The following RIMS1 variants were observed in gnomAD, a reference collection of about 807,000 sequenced individuals.
RIMS1 encodes the protein regulating synaptic membrane exocytosis protein 1.
RIMS1 carries 83 observed loss-of-function variants against 214.1 expected under a neutral mutation model. The ratio of observed to expected loss-of-function variants is 0.39; its 90% confidence interval spans 0.32 to 0.47. The LOEUF (loss-of-function observed/expected upper bound fraction) is 0.47. Among genes scored for constraint, RIMS1 ranks in the 20% least tolerant of loss-of-function variants. RIMS1 has a pLI of 0.99. For synonymous variants in RIMS1, 793 were observed against 786.8 expected (o/e 1.01, Z -0.13); for missense variants, 2,050 against 2,161.8 (o/e 0.95, Z 1.03).
At chr6:72,397,218 AT>A (rs1236036166) in intron 31 of RIMS1, among the ~76,000 whole-genome samples, 1 of 152,214 alleles carries the variant, frequency 6.6e-6, no homozygotes, top group Non-Finnish European at 1.5e-5. Context: ...ATGAGTTCTA[AT>A]AAATATGAAC....
intron 2 of RIMS1, among the ~76,000 whole-genome samples, chr6:72,094,084 G>T (rs978697787): frequency 1.3e-5 from 2 of 151,518 alleles, no homozygotes; most frequent in African/African-American, 4.8e-5. Flanking sequence ...ATTAGGATAT[G>T]TTGTCCTCAA....
chr6:72,138,096 A>G (rs1031513349), intron 4 of RIMS1, among the ~76,000 whole-genome samples: 3 of 151,966 alleles, frequency 2.0e-5, no homozygotes, highest in Non-Finnish European at 4.4e-5. Context: ...GTGTGTATGT[A>G]TATGTGTATA....
At chr6:71,955,319 A>G (rs1302493070) in intron 1 of RIMS1, among the ~76,000 whole-genome samples, 1 of 152,082 alleles carries the variant, frequency 6.6e-6, no homozygotes, top group Admixed American at 6.5e-5. Flanking sequence ...GGTGCCAGCC[A>G]TCATGCCTGG....
chr6:72,369,393 A>G (rs1262838176), intron 29 of RIMS1, among the ~76,000 whole-genome samples: 1 of 152,114 alleles, frequency 6.6e-6, no homozygotes, highest in Non-Finnish European at 1.5e-5. Context: ...GATTCTACCC[A>G]GTGAAGCAGA....
At chr6:72,320,040 A>G (rs1165004826) in intron 28 of RIMS1, among the ~76,000 whole-genome samples, 1 of 152,162 alleles carries the variant, frequency 6.6e-6, no homozygotes, top group African/African-American at 2.4e-5. Flanking sequence ...CGGCTAACAC[A>G]TAATATAGTG....
At chr6:71,952,464 T>C (rs925145779) in intron 1 of RIMS1, among the ~76,000 whole-genome samples, 2 of 152,218 alleles carry the variant, frequency 1.3e-5, no homozygotes, top group African/African-American at 2.4e-5. Context: ...TTGATACTAC[T>C]ACAAATTCAC....
At position 72,393,596 on chromosome 6, in the gene RIMS1, G is replaced by A. The variant is rs1397578945; in HGVS notation, c.4618+786G>A. On this transcript the variant is annotated intron_variant, in intron 31 of 33. Coordinates refer to ENST00000521978, the MANE Select transcript of RIMS1 (RefSeq NM_014989.7). ...AAAAAAATTAGCCGGGCATAGTGGTGGGCACCTGTAGTCCCAGCTACTCGG... is the reference window on the plus strand; with the variant it reads ...AAAAAAATTAGCCGGGCATAGTGGTAGGCACCTGTAGTCCCAGCTACTCGG... Among the ~76,000 whole-genome samples, 11 of 152,060 alleles carry A rather than the reference G, an allele frequency of 7.2e-5. No homozygotes were observed. In the East Asian group the frequency reaches 2.1e-3, roughly 30 times the overall value.
Position 72,066,867 on chromosome 6 carries a change from G to A in RIMS1, c.246-30082G>A, listed in dbSNP as rs986828676. 3.3e-5 allele frequency among the ~76,000 whole-genome samples: 5 copies of A among 152,208 alleles called. No homozygotes were observed. In the East Asian group the frequency reaches 7.7e-4, roughly 24 times the overall value. ...TTTCATAATTTACCTAATTGCTGGA[G>A]TCAAAAACTTAGGAGTCACCCTTAA... On this transcript the variant is annotated intron_variant, in intron 2 of 33. Transcript: ENST00000521978.
At chr6:72,079,202 A>G (rs1025242247) in intron 2 of RIMS1, among the ~76,000 whole-genome samples, 3 of 152,186 alleles carry the variant, frequency 2.0e-5, no homozygotes, top group South Asian at 2.1e-4. Flanking sequence ...AAGGAACACT[A>G]CTTACATAAG....
chr6:72,365,318 T>C (rs1403578770), intron 29 of RIMS1, among the ~76,000 whole-genome samples: 3 of 152,222 alleles, frequency 2.0e-5, no homozygotes, highest in Non-Finnish European at 4.4e-5. Flanking sequence ...CACCCAACCA[T>C]GGCATTCCAC....
intron 22 of RIMS1, 121 bp from the exon 23 acceptor site, chr6:72,274,228 G>A (rs1181398240): frequency 1.8e-6 from 1 of 569,330 alleles, no homozygotes; most frequent in African/African-American, 1.9e-5. Flanking sequence ...AAATTATGGA[G>A]CAAAGAATCT....
In RIMS1 at chr6:72,077,914, A is replaced by G. The variant is rs1832326816; in HGVS notation, c.246-19035A>G. 2.6e-5 allele frequency among the ~76,000 whole-genome samples: 4 copies of G among 152,324 alleles called. No homozygotes were observed. The South Asian group carries it at 6.2e-4, about 24-fold the overall frequency. ...CGACGAAACCCTTTTCTGGGCTTTC[A>G]TTAACCTAGGAGTAAAAGAAAGGGG... On this transcript the variant is annotated intron_variant, in intron 2 of 33. Transcript: ENST00000521978.
At position 72,057,795 on chromosome 6, in the gene RIMS1, C is replaced by T. The variant is rs559062553; in HGVS notation, c.246-39154C>T. On this transcript the variant is annotated intron_variant, in intron 2 of 33. Transcript: ENST00000521978. ...GTGCTGGGATTACAGGCGTGAGACA[C>T]CACGCCCAGCCCCAAACCAGTACAC... Among the ~76,000 whole-genome samples the T allele has an allele frequency of 2.8e-4, 43 of 152,310 alleles. 2 individuals are homozygous for T. The East Asian group carries it at 7.5e-3, about 27-fold the overall frequency.
intron 6 of RIMS1, among the ~76,000 whole-genome samples, chr6:72,194,180 C>G (rs975144972): frequency 6.6e-6 from 1 of 152,060 alleles, no homozygotes; most frequent in Non-Finnish European, 1.5e-5. Context: ...AAGCAATATA[C>G]AAATTCAATG....
Position 72,182,916 on chromosome 6 carries a change from T to A in RIMS1, c.1445T>A (p.Val482Asp), listed in dbSNP as rs1228620724. The A allele has an allele frequency of 6.3e-7, 1 of 1,580,448 alleles. No individual in the cohort carries two copies. The highest frequency in any genetic ancestry group is 1.2e-5 in the South Asian group (1 of 86,236). Residue 482 changes from valine (V) to aspartate (D), a missense_variant, in exon 6 of 34, where the codon GTC (valine) becomes GAC (aspartate). Around this residue, in one of 6 missense-constraint regions of RIMS1, gnomAD observed 882 missense variants for 828.9 expected, o/e 1.06. Coordinates refer to ENST00000521978, the MANE Select transcript of RIMS1 (RefSeq NM_014989.7). ...AGCCGCCTGGACCCCAGCTCGGCGG[T>A]CCTCATGCGGAAGGCCAAGCGCGAG... Reference protein sequence around the residue: ...KQSRLDPSSAVLMRKAKREKV... With the variant: ...KQSRLDPSSADLMRKAKREKV...
intron 29 of RIMS1, among the ~76,000 whole-genome samples, chr6:72,370,850 A>C (rs756174353): frequency 8.5e-5 from 13 of 152,156 alleles, no homozygotes; most frequent in Non-Finnish European, 1.6e-4. Context: ...ATATGATAGG[A>C]ATGCTGCAGA....
Position 72,195,728 on chromosome 6 carries a change from T to C in RIMS1, c.1678+12579T>C, listed in dbSNP as rs189107807. Among the ~76,000 whole-genome samples the C allele has an allele frequency of 3.4e-4, 52 of 152,258 alleles. No individual in the cohort carries two copies. The East Asian group carries it at 9.5e-3, about 28-fold the overall frequency. On this transcript the variant is annotated intron_variant, in intron 6 of 33. Transcript: ENST00000521978. ...TAATGCATACTGCTCACATAGTGCT[T>C]ATAATTTTGACTAGAAGTGTATTAG...
At chr6:72,245,289 C>CT (rs1247181775) in intron 10 of RIMS1, among the ~76,000 whole-genome samples, 2 of 151,600 alleles carry the variant, frequency 1.3e-5, no homozygotes, top group Admixed American at 6.6e-5. Context: ...AATAATTTGG[C>CT]TTTTTTGTTG....
chr6:72,061,490 G>A (rs535920413), intron 2 of RIMS1, among the ~76,000 whole-genome samples: 20 of 152,320 alleles, frequency 1.3e-4, no homozygotes, highest in Middle Eastern at 3.4e-3. Flanking sequence ...TTGTTTCCAC[G>A]GATGGACTGG....
Sources: allele counts gnomAD v4.1 joint callset (sites outside exome capture counted in the v4.1 genomes callset), GRCh38; gene constraint gnomAD v4.1.1; regional missense constraint gnomAD v4.1.1; transcripts MANE v1.5; gene names NCBI Gene and HGNC (gene_info 2026-07-23, HGNC 2026-07-21).